The following ADAMTS16 variants were observed in gnomAD, a reference collection of about 807,000 sequenced individuals.
ADAMTS16 encodes ADAM metallopeptidase with thrombospondin type 1 motif 16.
ADAMTS16 carries 94 observed loss-of-function variants against 145.8 expected under a neutral mutation model. The ratio of observed to expected loss-of-function variants is 0.64; its 90% CI spans 0.55 to 0.77. The LOEUF (loss-of-function observed/expected upper bound fraction) is 0.77, where lower values mean the gene tolerates loss of function less well. ADAMTS16 is among the 30% of genes least tolerant of loss of function. The pLI is 0.00. For synonymous variants in ADAMTS16, 659 were observed against 604.3 expected (o/e 1.09, Z -1.33); for missense variants, 1,585 against 1,591.5 (o/e 1.00, Z 0.07).
chr5:5,239,062 G>A, intron 14 of ADAMTS16, 89 bp from the exon 15 acceptor site: 1 of 1,350,148 alleles, frequency 7.4e-7, no homozygotes, highest in Middle Eastern at 2.0e-4. Flanking sequence ...AACTCTAGTG[G>A]GGAGGAGGTT....
chr5:5,300,910 C>G (rs1016597431), intron 18 of ADAMTS16, among the ~76,000 whole-genome samples: 14 of 152,134 alleles, frequency 9.2e-5, no homozygotes, highest in Non-Finnish European at 1.9e-4. Flanking sequence ...TCTCCTGGAG[C>G]TTGAGGTCCA....
At chr5:5,276,427 A>G (rs1560983104) in intron 18 of ADAMTS16, among the ~76,000 whole-genome samples, 1 of 152,232 alleles carries the variant, frequency 6.6e-6, no homozygotes, top group Non-Finnish European at 1.5e-5. Context: ...AGTGTAAATT[A>G]CTGTAACTTG....
chr5:5,222,017 A>C (rs1736620246), intron 10 of ADAMTS16, among the ~76,000 whole-genome samples: 1 of 152,240 alleles, frequency 6.6e-6, no homozygotes, highest in South Asian at 2.1e-4. Flanking sequence ...TACCGCCAGC[A>C]TTCCAGAAGG....
At chr5:5,280,858 T>C (rs994095799) in intron 18 of ADAMTS16, among the ~76,000 whole-genome samples, 5 of 152,228 alleles carry the variant, frequency 3.3e-5, no homozygotes, top group Admixed American at 2.6e-4. Context: ...TCATCCCACG[T>C]TGCTCAGAAC....
chr5:5,153,541 C>G (rs536960566), intron 3 of ADAMTS16, among the ~76,000 whole-genome samples: 2 of 152,258 alleles, frequency 1.3e-5, no homozygotes, highest in African/African-American at 4.8e-5. Flanking sequence ...TGACTAATGT[C>G]AAACACTGTA....
chr5:5,200,446 A>G (rs1301630131), intron 9 of ADAMTS16, among the ~76,000 whole-genome samples, 177 bp downstream of exon 9: 1 of 152,194 alleles, frequency 6.6e-6, no homozygotes, highest in Non-Finnish European at 1.5e-5. Flanking sequence ...TAGAGCATGG[A>G]GGCCTGTTGG....
intron 18 of ADAMTS16, among the ~76,000 whole-genome samples, chr5:5,277,503 TC>T (rs1738747772): frequency 6.6e-6 from 1 of 152,110 alleles, no homozygotes; most frequent in Non-Finnish European, 1.5e-5. Context: ...GACCACAGTC[TC>T]CTAGAATGCA....
At chr5:5,271,265 T>C (rs1472346986) in intron 18 of ADAMTS16, among the ~76,000 whole-genome samples, 1 of 152,108 alleles carries the variant, frequency 6.6e-6, no homozygotes, top group Non-Finnish European at 1.5e-5. Flanking sequence ...CTAGAAGTCT[T>C]CTTGCTGGAG....
chr5:5,238,647 C>T (rs1261948685), intron 14 of ADAMTS16, among the ~76,000 whole-genome samples: 1 of 152,104 alleles, frequency 6.6e-6, no homozygotes, highest in African/African-American at 2.4e-5. Flanking sequence ...TACAAACAAA[C>T]ATCAGAGTAA....
At chr5:5,253,054 A>ACTGTTCTTTCTCCTACTT (rs1737675481) in intron 17 of ADAMTS16, among the ~76,000 whole-genome samples, 1 of 151,810 alleles carries the variant, frequency 6.6e-6, no homozygotes, top group African/African-American at 2.4e-5. Flanking sequence ...ATAATCTTAA[A>ACTGTTCTTTCTCCTACTT]CTCTTCTTTC....
At chr5:5,148,121 A>C (rs1474726581) in intron 3 of ADAMTS16, among the ~76,000 whole-genome samples, 2 of 150,484 alleles carry the variant, frequency 1.3e-5, no homozygotes, top group Non-Finnish European at 3.0e-5. Context: ...GGATAATAAC[A>C]GTGGTATCTG....
chr5:5,316,111 G>T (rs1734047360), intron 21 of ADAMTS16, among the ~76,000 whole-genome samples: 1 of 152,166 alleles, frequency 6.6e-6, no homozygotes, highest in Non-Finnish European at 1.5e-5. Context: ...CTGATTGCAG[G>T]AGGTCCCAGA....
chr5:5,146,091 C>T, intron 2 of ADAMTS16, 39 bp from the exon 3 acceptor site: 4 of 1,551,576 alleles, frequency 2.6e-6, no homozygotes, highest in Middle Eastern at 3.4e-4. Flanking sequence ...TCTCGGAATT[C>T]CGAAATGACT....
chr5:5,257,033 T>C, intron 17 of ADAMTS16, among the ~76,000 whole-genome samples: 1 of 152,198 alleles, frequency 6.6e-6, no homozygotes, highest in Admixed American at 6.5e-5. Flanking sequence ...GTCCGTAAGA[T>C]TTTCTGCAGA....
At chr5:5,313,074 G>A (rs1162236087) in intron 21 of ADAMTS16, among the ~76,000 whole-genome samples, 1 of 152,214 alleles carries the variant, frequency 6.6e-6, no homozygotes, top group East Asian at 1.9e-4. Context: ...TTCAATAGCT[G>A]TTGCCGGTCT....
chr5:5,276,499 AC>A (rs1738702421), intron 18 of ADAMTS16, among the ~76,000 whole-genome samples: 1 of 152,254 alleles, frequency 6.6e-6, no homozygotes, highest in Admixed American at 6.5e-5. Flanking sequence ...AGGAATTTAT[AC>A]AAAGAGCGAA....
intron 3 of ADAMTS16, among the ~76,000 whole-genome samples, chr5:5,150,605 C>T (rs955411344): frequency 3.9e-5 from 6 of 152,222 alleles, no homozygotes; most frequent in African/African-American, 7.2e-5. Context: ...CTTCAGTCAT[C>T]ACGTCATACC....
At chr5:5,229,758 A>G (rs867880173) in intron 11 of ADAMTS16, among the ~76,000 whole-genome samples, 35 of 152,226 alleles carry the variant, frequency 2.3e-4, no homozygotes, top group Admixed American at 5.9e-4. Flanking sequence ...TCTCAAACTC[A>G]GGGTACTGAG....
intron 18 of ADAMTS16, among the ~76,000 whole-genome samples, chr5:5,267,241 T>A (rs1328602932): frequency 2.0e-5 from 3 of 152,182 alleles, no homozygotes; most frequent in African/African-American, 4.8e-5. Flanking sequence ...AGTGGGCATG[T>A]GTTACGGTGT....
Sources: allele counts gnomAD v4.1 joint callset (sites outside exome capture counted in the v4.1 genomes callset), GRCh38; gene constraint gnomAD v4.1.1; transcripts MANE v1.5; gene names NCBI Gene and HGNC (gene_info 2026-07-23, HGNC 2026-07-21).